ARHGAP39: variants seen among roughly 807,000 people sequenced by gnomAD.
ARHGAP39 encodes rho GTPase-activating protein 39.
In ARHGAP39, 44 loss-of-function variants were observed where a neutral mutation model predicts 106.9. The observed-to-expected ratio is 0.41, with a 90% CI of 0.32 to 0.53. ARHGAP39 has a LOEUF of 0.53. Ranked by LOEUF, ARHGAP39 falls within the 20% of genes least tolerant of loss-of-function variation. The pLI is 0.21. For synonymous variants in ARHGAP39, 768 were observed against 693.2 expected, an observed-to-expected ratio of 1.11 and a Z score of -1.69; for missense variants, 1,496 against 1,577.3, an observed-to-expected ratio of 0.95 and a Z score of 0.87.
chr8:144,562,135 C>T (rs980520152), intron 3 of ARHGAP39, among the ~76,000 whole-genome samples: 1 of 148,864 alleles, frequency 6.7e-6, no homozygotes, highest in Non-Finnish European at 1.5e-5. Context: ...TGGTTTCCAT[C>T]GGACTTACTC....
At chr8:144,685,486 C>A (rs960872865) in intron 1 of ARHGAP39, among the ~76,000 whole-genome samples, 200 bp downstream of exon 1, 2 of 147,304 alleles carry the variant, frequency 1.4e-5, no homozygotes, top group Admixed American at 1.3e-4. Context: ...CCCGGCCGGG[C>A]CCCGCACACC....
At chr8:144,590,676 TG>T (rs1012592099) in intron 2 of ARHGAP39, among the ~76,000 whole-genome samples, 3 of 152,148 alleles carry the variant, frequency 2.0e-5, no homozygotes, top group East Asian at 1.9e-4. Context: ...TGCAGAAGGC[TG>T]GGGGGGCAGC....
At chr8:144,594,694 CAAAA>C (rs56889764) in intron 2 of ARHGAP39, among the ~76,000 whole-genome samples, 2 of 80,328 alleles carry the variant, frequency 2.5e-5, no homozygotes, top group Admixed American at 1.3e-4. Context: ...AACGCCACCT[CAAAA>C]AAAAAAAAAA....
intron 2 of ARHGAP39, among the ~76,000 whole-genome samples, chr8:144,600,434 G>A (rs114314066): frequency 0.013 from 1,942 of 146,428 alleles, 47 homozygotes; most frequent in African/African-American, 0.048. Context: ...GTGCGTGTTC[G>A]TGGAGGCGTG....
At chr8:144,648,693 A>G (rs922214128) in intron 1 of ARHGAP39, among the ~76,000 whole-genome samples, 3 of 152,222 alleles carry the variant, frequency 2.0e-5, no homozygotes, top group Admixed American at 1.3e-4. Flanking sequence ...TAGCTTCCCA[A>G]TGAATCTCTT....
chr8:144,566,305 C>A (rs1464873952), intron 3 of ARHGAP39, among the ~76,000 whole-genome samples: 1 of 151,768 alleles, frequency 6.6e-6, no homozygotes, highest in South Asian at 2.1e-4. Flanking sequence ...TGGCTCACTC[C>A]TGCAAATCCA....
Position 144,547,919 on chromosome 8 carries a change from G to A in ARHGAP39, c.1167C>T (p.Pro389=), listed in dbSNP as rs781377887. 3 of 1,586,468 alleles carry A rather than the reference G, an allele frequency of 1.9e-6. No homozygotes were observed. The highest frequency in any genetic ancestry group is 2.6e-6 in the Non-Finnish European group (3 of 1,166,984). ...GCTGCCGCACGTACTCCTTGCCGGCGGGACTGTACTCCAGGCTCAGGAAGC... is the reference window on the plus strand; with the variant it reads ...GCTGCCGCACGTACTCCTTGCCGGCAGGACTGTACTCCAGGCTCAGGAAGC... ...PERFLSLEYS[P]AGKEYVRQLV... is the part of the protein sequence containing the mutation. Residue 389 remains proline, a synonymous_variant, in exon 5 of 12, where the codon CCC becomes CCT. Coordinates refer to ENST00000377307, the MANE Select transcript of ARHGAP39 (RefSeq NM_025251.3). The surrounding 1 kb of genome is among the most constrained non-coding windows in gnomAD (Gnocchi z 5.2).
At position 144,679,190 on chromosome 8, in the gene ARHGAP39, C is replaced by T. The variant is rs536481453; in HGVS notation, c.-82+6496G>A. Among the ~76,000 whole-genome samples the T allele has an allele frequency of 6.6e-5, 10 of 152,324 alleles. No individual in the cohort carries two copies. In the South Asian group the frequency reaches 2.1e-3, roughly 32 times the overall value. On this transcript the variant is annotated intron_variant, in intron 1 of 11. Transcript: ENST00000377307. The surrounding 1 kb of genome is among the most constrained non-coding windows in gnomAD (Gnocchi z 4.7). The stretch of plus-strand genomic sequence containing the variant: ...GCATCTGCGGCTGAGGGGAGACATC[C>T]AGCTGCACCTTCAGTCATGGTGAGA...
rs750303643 is a variant in ARHGAP39 at position 144,547,866 on chromosome 8, C to A, written c.1220G>T (p.Ser407Ile). 6.3e-7 allele frequency: 1 copy of A among 1,585,130 alleles called. No homozygotes were observed. Among genetic ancestry groups the A allele is most frequent in the Admixed American group, 1.8e-5 (1 of 55,768 alleles). The change falls in exon 5 of 12, where the codon AGC (serine) becomes ATC (isoleucine). Residue 407 changes from serine to isoleucine, a missense_variant. Ser to Ile is a moderately radical substitution (Grantham distance 142). Transcript: ENST00000377307. The surrounding 1 kb of genome is among the most constrained non-coding windows in gnomAD (Gnocchi z 5.2). ...QLVYVEQAGS[S>I]PKLRAGPRHK... ...CCGCGGGCCGGCGCGCAGCTTGGGG[C>A]TGGAGCCCGCCTGCTCCACGTAGAC...
rs183614328 is a variant in ARHGAP39, at chr8:144,565,322, G to A, written c.513-9679C>T. On this transcript the variant is annotated intron_variant, in intron 3 of 11. Transcript: ENST00000377307. ...CACCACTAGAAAGAAAAAACGCTTC[G>A]TGAATTTGAAAGCACAACAACAGAA... 4.6e-3 allele frequency among the ~76,000 whole-genome samples: 705 copies of A among 152,052 alleles called. 3 individuals carry two copies. Among genetic ancestry groups the A allele is most frequent in the Non-Finnish European group, 8.1e-3 (548 of 67,982 alleles).
At chr8:144,540,252 C>T (rs1817133024) in intron 6 of ARHGAP39, among the ~76,000 whole-genome samples, 1 of 152,136 alleles carries the variant, frequency 6.6e-6, no homozygotes, top group South Asian at 2.1e-4. Flanking sequence ...TTACATTAGC[C>T]AGGTGCGGTG....
At chr8:144,599,363 G>C (rs999542706) in intron 2 of ARHGAP39, among the ~76,000 whole-genome samples, 1 of 152,142 alleles carries the variant, frequency 6.6e-6, no homozygotes, top group Admixed American at 6.5e-5. Context: ...TGATGTCTAG[G>C]GGATGTTTTA....
chr8:144,545,781 G>C lies in ARHGAP39; in HGVS notation c.1989C>G (p.Phe663Leu). Residue 663 changes from phenylalanine to leucine, a missense_variant, in exon 6 of 12, where the codon TTC becomes TTG. By Grantham distance (22) the Phe-to-Leu change is conservative. This residue lies in a region of ARHGAP39 where 905 missense variants were observed against 816.4 expected (regional missense o/e 1.11). Transcript: ENST00000377307. ...QSEDLAACAQ[F>L]ESSRQSRSGV... ...CGCTGCGGCTCTGCCGGCTGCTCTC[G>C]AACTGGGCACAGGCAGCGAGGTCCT... 1 of 1,583,844 alleles carries C rather than the reference G, an allele frequency of 6.3e-7. No individual in the cohort carries two copies. Among genetic ancestry groups the C allele is most frequent in the Non-Finnish European group, 8.6e-7 (1 of 1,165,886 alleles).
rs987205896 is a variant in ARHGAP39, at chr8:144,644,388, G to A, written c.-81-38693C>T. Among the ~76,000 whole-genome samples the A allele has an allele frequency of 6.6e-6, 1 of 152,190 alleles. No individual in the cohort carries two copies. Among genetic ancestry groups the A allele is most frequent in the Admixed American group, 6.5e-5 (1 of 15,272 alleles). On this transcript the variant is annotated intron_variant, in intron 1 of 11. Coordinates refer to ENST00000377307, the MANE Select transcript of ARHGAP39 (RefSeq NM_025251.3). This position sits in a 1 kb window ranked among gnomAD's most constrained non-coding sequence, Gnocchi z 4.8. ...CCAGGAGCGGCAGATCGGCAGAGAT[G>A]GAGGCGGCTATGAGGCGGGGCTGGG...
intron 3 of ARHGAP39, among the ~76,000 whole-genome samples, chr8:144,567,263 G>C (rs978516138): frequency 6.6e-6 from 1 of 152,120 alleles, no homozygotes; most frequent in African/African-American, 2.4e-5. Context: ...CATAACCTAG[G>C]AAAAACCAGG....
Position 144,545,493 on chromosome 8 carries a change from G to A in ARHGAP39, c.2277C>T (p.Ala759=), listed in dbSNP as rs756488103. 6.2e-7 allele frequency: 1 copy of A among 1,607,378 alleles called. No homozygotes were observed. The highest frequency in any genetic ancestry group is 8.5e-7 in the Non-Finnish European group (1 of 1,175,440). Residue 759 remains alanine, a synonymous_variant, in exon 6 of 12, where the codon GCC becomes GCT. Coordinates refer to ENST00000377307, the MANE Select transcript of ARHGAP39 (RefSeq NM_025251.3). ...LIQMYMGDRR[A]KADPLHVALE... ...GGGCCACGTGCAGTGGGTCGGCCTT[G>A]GCCCGCCGGTCACCCATGTACATCT...
chr8:144,577,688 TACAAGATCAACAC>T (rs1818826123), intron 3 of ARHGAP39, among the ~76,000 whole-genome samples: 1 of 152,002 alleles, frequency 6.6e-6, no homozygotes, highest in Non-Finnish European at 1.5e-5. Flanking sequence ...AGTTGCACAA[TACAAGATCAACAC>T]ACAATCAGTT....
intron 3 of ARHGAP39, among the ~76,000 whole-genome samples, chr8:144,572,375 G>A (rs1818617494): frequency 1.3e-5 from 2 of 152,124 alleles, no homozygotes; most frequent in South Asian, 4.1e-4. Flanking sequence ...AAGAAATGGG[G>A]AAAGGATTCC....
At position 144,547,642 on chromosome 8, in the gene ARHGAP39, G is replaced by C; in HGVS notation, c.1444C>G (p.Leu482Val). 1 of 1,533,914 alleles carries C rather than the reference G, an allele frequency of 6.5e-7. No homozygotes were observed. ...CCCGGGGAGTAGCCTGTGGAGGACA[G>C]GGTGTCCTGCTGGCTGGACCAGGAC... ...AMSWSSQQDT[L>V]SSTGYSPGTR... Residue 482 changes from leucine to valine, a missense_variant, in exon 5 of 12, where the codon CTG (leucine) becomes GTG (valine). By Grantham distance (32) the Leu-to-Val change is conservative. This residue lies in a region of ARHGAP39 where 905 missense variants were observed against 816.4 expected (regional missense o/e 1.11). Transcript: ENST00000377307. The surrounding 1 kb of genome is among the most constrained non-coding windows in gnomAD (Gnocchi z 5.2).
Sources: gnomAD v4.1 joint callset for allele counts (sites outside exome capture counted in the v4.1 genomes callset) on GRCh38, gnomAD v4.1.1 for gene constraint, gnomAD v4.1.1 regional missense constraint, Gnocchi (gnomAD v3.1) non-coding constraint, MANE v1.5 for transcripts, NCBI Gene and HGNC (gene_info 2026-07-23, HGNC 2026-07-21) for gene names.